Variants in KIF7 observed in about 807,000 individuals in gnomAD.
KIF7 encodes the protein kinesin-like protein KIF7.
Under a neutral mutation model 135.7 loss-of-function variants are expected in KIF7, and 104 were observed. The ratio of observed to expected loss-of-function variants is 0.77; its 90% CI spans 0.65 to 0.90. The LOEUF (loss-of-function observed/expected upper bound fraction) is 0.90, where lower values mean the gene tolerates loss of function less well. Ranked by LOEUF, KIF7 falls within the 40% of genes least tolerant of loss-of-function variation. The pLI, the probability that KIF7 is intolerant of heterozygous loss-of-function variation, is 0.00. For missense variants in KIF7, 2,005 were observed against 1,839.1 expected (o/e 1.09, Z -1.65); for synonymous variants, 883 against 809.4 (o/e 1.09, Z -1.54).
chr15:89,633,325 G>A (rs1963727436), intron 12 of KIF7, 59 bp from the exon 13 acceptor site: 5 of 1,535,360 alleles, frequency 3.3e-6, no homozygotes, highest in Non-Finnish European at 4.4e-6. Flanking sequence ...ACCAGAGCCT[G>A]CCACCGATCC....
At chr15:89,635,973 G>T (rs555933700) in intron 11 of KIF7, among the ~76,000 whole-genome samples, 1,786 of 152,072 alleles carry the variant, frequency 0.012, 45 homozygotes, top group African/African-American at 0.041. Flanking sequence ...GACTAACAGC[G>T]GATCTCTCGG....
downstream of KIF7, among the ~76,000 whole-genome samples, chr15:89,626,295 A>C (rs895135370): frequency 2.0e-5 from 3 of 152,204 alleles, no homozygotes; most frequent in African/African-American, 7.2e-5. Context: ...CCTCCTGAAA[A>C]TGTTGACAGT....
rs1357923425 is a variant in KIF7, at chr15:89,648,623, G to T, written c.1075C>A (p.Pro359Thr). ...IRNRATVNWR[P>T]EAERPPEETA... ...TCTTCGGGTGGCCGCTCGGCCTCGG[G>T]CCGCCAGTTGACCGTGGCGCGGTTG... Residue 359 changes from proline to threonine, a missense_variant, in exon 5 of 19, where the codon CCC becomes ACC. By Grantham distance (38) the Pro-to-Thr change is conservative. Coordinates refer to ENST00000394412, the MANE Select transcript of KIF7 (RefSeq NM_198525.3). 6 of 1,534,830 alleles carry T rather than the reference G, an allele frequency of 3.9e-6. No homozygotes were observed. Among genetic ancestry groups the T allele is most frequent in the Non-Finnish European group, 5.2e-6 (6 of 1,145,866 alleles).
At chr15:89,662,661 G>C in the KIF7 span, among the ~76,000 whole-genome samples, 4 of 152,288 alleles carry the variant, frequency 2.6e-5, no homozygotes, top group South Asian at 8.3e-4. Flanking sequence ...TGGGCAACCC[G>C]ATGTGAAGTG....
Position 89,630,501 on chromosome 15 carries a change from G to GAT in KIF7, c.3112-9_3112-8insAT. 1 of 1,481,048 alleles carries GAT rather than the reference G, an allele frequency of 6.8e-7. No homozygotes were observed. Among genetic ancestry groups the GAT allele is most frequent in the Non-Finnish European group, 9.0e-7 (1 of 1,108,248 alleles). 91.7% of individuals were successfully genotyped at this position (1,481,048 alleles called of 1,614,324 possible). On this transcript the variant is annotated splice_polypyrimidine_tract_variant and intron_variant, in intron 15 of 18. Transcript: ENST00000394412. ...GAACAGCGTCCGCTCCTCCTGCAGAGACGGGCACGCGTGGAGGAACAGCAC... is the reference window on the plus strand; with the variant it reads ...GAACAGCGTCCGCTCCTCCTGCAGAGATACGGGCACGCGTGGAGGAACAGCAC...
chr15:89,628,850 T>A (rs1290727050), intron 18 of KIF7, 64 bp from the exon 19 acceptor site: 8 of 1,611,066 alleles, frequency 5.0e-6, no homozygotes, highest in Non-Finnish European at 5.9e-6. Flanking sequence ...AAGCCCTAGC[T>A]CCCCAGTGCC....
chr15:89,619,213 CCAT>C (rs1200542644), intron 1 of KIF7, among the ~76,000 whole-genome samples: 1 of 139,216 alleles, frequency 7.2e-6, no homozygotes, highest in African/African-American at 2.7e-5. Flanking sequence ...TCGCCCTACA[CCAT>C]TCTTCTTTTT....
At chr15:89,648,174 C>T in intron 5 of KIF7, 81 bp downstream of exon 5, 17 of 1,374,738 alleles carry the variant, frequency 1.2e-5, no homozygotes, top group Non-Finnish European at 1.6e-5. Context: ...AGGGGCGCAG[C>T]TGCTGTCTGA....
At chr15:89,648,885 G>C (rs1964071402) in intron 4 of KIF7, 89 bp downstream of exon 4, 1 of 1,463,052 alleles carries the variant, frequency 6.8e-7, no homozygotes, top group Non-Finnish European at 9.0e-7. Flanking sequence ...GGAGACCTCA[G>C]GGGACCTGGG....
At chr15:89,635,378 C>T (rs550050549) in intron 11 of KIF7, among the ~76,000 whole-genome samples, 9 of 152,200 alleles carry the variant, frequency 5.9e-5, no homozygotes, top group South Asian at 4.2e-4. Context: ...CAAATTATTC[C>T]GAGCTATGGG....
At chr15:89,655,755 A>G (rs1185645816), upstream of KIF7, among the ~76,000 whole-genome samples, 1 of 152,112 alleles carries the variant, frequency 6.6e-6, no homozygotes, top group Non-Finnish European at 1.5e-5. Flanking sequence ...CCCAGTCCCA[A>G]ACCACGCCTC....
chr15:89,650,627 C>CAA (rs1257874317), intron 2 of KIF7, among the ~76,000 whole-genome samples: 26 of 152,156 alleles, frequency 1.7e-4, no homozygotes, highest in Admixed American at 1.2e-3. Context: ...CTCCTGACCT[C>CAA]GTGATCCGCC....
chr15:89,638,146 G>A (rs1259792058), intron 11 of KIF7, among the ~76,000 whole-genome samples: 4 of 150,740 alleles, frequency 2.7e-5, no homozygotes, highest in African/African-American at 4.9e-5. Context: ...TTGATGGGAC[G>A]TATCTCAAAA....
intron 11 of KIF7, among the ~76,000 whole-genome samples, chr15:89,636,856 C>T (rs1963819091): frequency 6.7e-6 from 1 of 149,922 alleles, no homozygotes; most frequent in East Asian, 1.9e-4. Context: ...AACTCTCCAC[C>T]CCAAATCAAC....
At chr15:89,622,352 A>G (rs978365198) in intron 1 of KIF7, among the ~76,000 whole-genome samples, 2 of 151,980 alleles carry the variant, frequency 1.3e-5, no homozygotes, top group African/African-American at 4.8e-5. Flanking sequence ...GTTCAGGTCT[A>G]CCTGGAACAC....
intron 11 of KIF7, among the ~76,000 whole-genome samples, chr15:89,640,833 A>G (rs1016468363): frequency 4.6e-5 from 7 of 151,548 alleles, no homozygotes; most frequent in African/African-American, 1.5e-4. Context: ...TTAAAAAAAA[A>G]AAAAAAAAGA....
chr15:89,642,100 A>G, intron 11 of KIF7, 103 bp downstream of exon 11: 1 of 1,225,094 alleles, frequency 8.2e-7, no homozygotes, highest in Non-Finnish European at 1.2e-6. Context: ...ACAAGGTTCC[A>G]CAGTGAACTT....
At chr15:89,618,039 G>A (rs1165912038) in exon 2 of KIF7, 1 of 1,097,904 alleles carries the variant, frequency 9.1e-7, no homozygotes, top group Non-Finnish European at 1.4e-6. Context: ...CAGCACTGGT[G>A]TTATCAGACC....
chr15:89,629,160 G>A, intron 17 of KIF7, 38 bp from the exon 18 acceptor site: 1 of 1,597,130 alleles, frequency 6.3e-7, no homozygotes, highest in Non-Finnish European at 8.5e-7. Flanking sequence ...GGTGAGGGCT[G>A]CAGGCGGGGC....
Sources: allele counts gnomAD v4.1 joint callset (sites outside exome capture counted in the v4.1 genomes callset), GRCh38; gene constraint gnomAD v4.1.1; transcripts MANE v1.5; gene names NCBI Gene and HGNC (gene_info 2026-07-23, HGNC 2026-07-21).